The following CDK13 variants were observed in gnomAD, a reference collection of about 807,000 sequenced individuals.
CDK13 encodes the protein cyclin-dependent kinase 13.
Under a neutral mutation model 137.6 loss-of-function variants are expected in CDK13, and 40 were observed. The ratio of observed to expected loss-of-function variants is 0.29; its 90% CI spans 0.23 to 0.38. CDK13 has a LOEUF of 0.38. Ranked by LOEUF, CDK13 falls within the 10% of genes least tolerant of loss-of-function variation. The pLI is 1.00. For synonymous variants in CDK13, 869 were observed against 760.1 expected (o/e 1.14, Z -2.36); for missense variants, 1,704 against 1,951.8 (o/e 0.87, Z 2.39).
At chr7:39,955,530 C>T (rs577751583) in intron 1 of CDK13, among the ~76,000 whole-genome samples, 36 of 152,100 alleles carry the variant, frequency 2.4e-4, no homozygotes, top group African/African-American at 8.7e-4. Flanking sequence ...CATTCAGGGG[C>T]GCTGGCCACC....
chr7:40,015,985 A>G (rs1310019906), intron 5 of CDK13, among the ~76,000 whole-genome samples: 1 of 152,210 alleles, frequency 6.6e-6, no homozygotes, highest in Non-Finnish European at 1.5e-5. Flanking sequence ...AATGGAGGGT[A>G]GAAGAGGAAG....
chr7:40,032,977 G>A (rs945456939), intron 5 of CDK13, among the ~76,000 whole-genome samples: 3 of 152,198 alleles, frequency 2.0e-5, no homozygotes, highest in African/African-American at 7.2e-5. Context: ...CAGCAAGTTG[G>A]GAAAGAACTG....
chr7:40,005,902 G>A (rs1784788466), intron 5 of CDK13, among the ~76,000 whole-genome samples: 1 of 151,926 alleles, frequency 6.6e-6, no homozygotes, highest in Non-Finnish European at 1.5e-5. Flanking sequence ...TTTAAAAAGT[G>A]ATTTGTAGAG....
intron 5 of CDK13, among the ~76,000 whole-genome samples, chr7:40,029,278 A>G (rs933002741): frequency 6.6e-6 from 1 of 151,972 alleles, no homozygotes; most frequent in African/African-American, 2.4e-5. Context: ...AAATACAAAA[A>G]TCATTCGATC....
intron 7 of CDK13, among the ~76,000 whole-genome samples, chr7:40,055,808 C>G (rs113710505): frequency 9.2e-5 from 14 of 152,228 alleles, no homozygotes; most frequent in African/African-American, 3.1e-4. Flanking sequence ...TTCCGAACTC[C>G]TGGGCTCAAG....
chr7:39,960,853 G>C (rs1787596079), intron 1 of CDK13, among the ~76,000 whole-genome samples: 1 of 152,128 alleles, frequency 6.6e-6, no homozygotes. Context: ...GGGATTACAG[G>C]CGTGAGCCAC....
At chr7:39,982,718 T>G (rs1361541946) in intron 1 of CDK13, among the ~76,000 whole-genome samples, 2 of 152,240 alleles carry the variant, frequency 1.3e-5, no homozygotes, top group African/African-American at 4.8e-5. Context: ...CTAACTGGTG[T>G]GAGATGGTAT....
At chr7:39,959,334 T>C (rs1017517261) in intron 1 of CDK13, among the ~76,000 whole-genome samples, 9 of 152,090 alleles carry the variant, frequency 5.9e-5, no homozygotes, top group African/African-American at 2.2e-4. Context: ...GCTAATTTTG[T>C]ATTTTTAGTA....
chr7:40,054,814 T>TA (rs1785975353), intron 7 of CDK13, among the ~76,000 whole-genome samples: 1 of 152,230 alleles, frequency 6.6e-6, no homozygotes, highest in Non-Finnish European at 1.5e-5. Context: ...TCTAATGTGT[T>TA]ACTTTCCTGG....
rs1245014811 is a variant in CDK13, at chr7:40,095,636, T to C, written c.*656T>C. The C allele has an allele frequency of 6.6e-6, 1 of 151,942 alleles. No individual in the cohort carries two copies. The highest frequency in any genetic ancestry group is 1.5e-5 in the Non-Finnish European group (1 of 68,000). The allele number at this position is 151,942 out of a possible 1,614,324, so 9.4% of individuals were successfully genotyped here. A position where few individuals can be genotyped will look rare whatever the true frequency, so the allele number is the denominator to read the frequency against. On this transcript the variant is annotated 3_prime_UTR_variant, in exon 14 of 14. Coordinates refer to ENST00000181839, the MANE Select transcript of CDK13 (RefSeq NM_003718.5). The stretch of plus-strand genomic sequence containing the variant: ...CATTTAAATGAAATAGTGGGTTTTA[T>C]ATGAAAACTATGGGTGGGGTGGGGA...
chr7:39,983,334 G>A (rs1784269138), intron 1 of CDK13, among the ~76,000 whole-genome samples: 2 of 152,074 alleles, frequency 1.3e-5, no homozygotes, highest in Non-Finnish European at 2.9e-5. Flanking sequence ...TGTTAGCCAG[G>A]ATGATCTTGA....
In CDK13 at chr7:40,097,997, A is replaced by G. The variant is rs1787080363; in HGVS notation, c.*3017A>G. On this transcript the variant is annotated 3_prime_UTR_variant, in exon 14 of 14. Transcript: ENST00000181839. Reference sequence around the variant, plus strand: ...TTTCAGTGTGCTGACAGTGAGCAAGATTTTTTTAAATGTCTGGAGAAGTTA... The same window carrying G: ...TTTCAGTGTGCTGACAGTGAGCAAGGTTTTTTTAAATGTCTGGAGAAGTTA... 2 of 152,060 alleles carry G rather than the reference A, an allele frequency of 1.3e-5. No homozygotes were observed. Among genetic ancestry groups the G allele is most frequent in the East Asian group, 3.8e-4 (2 of 5,198 alleles). The allele number at this position is 152,060 out of a possible 1,614,324, so 9.4% of individuals were successfully genotyped here. A position where few individuals can be genotyped will look rare whatever the true frequency, so the allele number is the denominator to read the frequency against.
intron 1 of CDK13, among the ~76,000 whole-genome samples, chr7:39,968,845 C>A (rs1173968674): frequency 6.6e-6 from 1 of 152,132 alleles, no homozygotes; most frequent in Non-Finnish European, 1.5e-5. Context: ...ATTTAAGACC[C>A]CCAACACAGA....
rs574737709 is a variant in CDK13 at position 40,085,596 on chromosome 7, A to G, written c.3030-2530A>G. ...CCCAACAGAGACTGAGACCCACATC[A>G]TATCATACAAACACTTAGAAAGGAA... is the stretch of plus-strand genomic sequence containing the variant. On this transcript the variant is annotated intron_variant, in intron 11 of 13. Transcript: ENST00000181839. The G allele has an allele frequency of 9.8e-5, 15 of 152,718 alleles. No individual in the cohort carries two copies. In the South Asian group the frequency reaches 3.1e-3, roughly 32 times the overall value. 9.5% of individuals were successfully genotyped at this position (152,718 alleles called of 1,614,324 possible).
intron 5 of CDK13, among the ~76,000 whole-genome samples, chr7:40,043,974 G>C (rs973302090): frequency 6.8e-6 from 1 of 147,208 alleles, no homozygotes; most frequent in African/African-American, 2.5e-5. Flanking sequence ...TCGGCTCACT[G>C]CAACCTCCAC....
chr7:40,065,915 G>C (rs1365284307), intron 9 of CDK13, among the ~76,000 whole-genome samples: 1 of 152,162 alleles, frequency 6.6e-6, no homozygotes, highest in East Asian at 1.9e-4. Context: ...AAGACTGAAT[G>C]CGGTGGCTCA....
intron 5 of CDK13, among the ~76,000 whole-genome samples, chr7:40,026,794 A>C (rs1366949258): frequency 6.6e-6 from 1 of 152,208 alleles, no homozygotes; most frequent in Admixed American, 6.5e-5. Flanking sequence ...ATTGGGAAAT[A>C]ATCCGAATAA....
intron 1 of CDK13, among the ~76,000 whole-genome samples, chr7:39,974,992 A>G (rs1432286481): frequency 6.6e-6 from 1 of 152,236 alleles, no homozygotes; most frequent in Non-Finnish European, 1.5e-5. Context: ...CAAAGTAGTT[A>G]GCTGCAGATT....
intron 2 of CDK13, among the ~76,000 whole-genome samples, chr7:39,992,517 A>G (rs1233433468): frequency 6.6e-6 from 1 of 151,836 alleles, no homozygotes; most frequent in South Asian, 2.1e-4. Flanking sequence ...TCTTTTTACT[A>G]TACTGTAAAT....
Sources: gnomAD v4.1 joint callset for allele counts (sites outside exome capture counted in the v4.1 genomes callset) on GRCh38, gnomAD v4.1.1 for gene constraint, MANE v1.5 for transcripts, NCBI Gene and HGNC (gene_info 2026-07-23, HGNC 2026-07-21) for gene names.